HERC3: variants seen among roughly 807,000 people sequenced by gnomAD.
The protein encoded by HERC3 is HECT and RLD domain containing E3 ubiquitin protein ligase 3.
HERC3 carries 58 observed loss-of-function variants against 129.9 expected under a neutral mutation model. That is an observed-to-expected ratio of 0.45 (90% CI 0.36 to 0.56). HERC3 has a LOEUF of 0.56. Among genes scored for constraint, HERC3 ranks in the 20% least tolerant of loss-of-function variants. The probability of loss-of-function intolerance (pLI) is 0.00; values close to 1 mark genes in which losing one functional copy is unlikely to be tolerated. For missense variants in HERC3, 835 were observed against 1,244.2 expected (o/e 0.67, Z 4.95); for synonymous variants, 430 against 451.0 (o/e 0.95, Z 0.59).
At chr4:88,539,325 A>G in the HERC3 span, among the ~76,000 whole-genome samples, 10 of 152,212 alleles carry the variant, frequency 6.6e-5, no homozygotes, top group Non-Finnish European at 1.2e-4. Context: ...CTGCTAGCAC[A>G]GCAGTCTGAA....
the HERC3 span, among the ~76,000 whole-genome samples, chr4:88,539,149 G>A: frequency 1.3e-5 from 2 of 152,142 alleles, no homozygotes; most frequent in African/African-American, 2.4e-5. Context: ...AGGTGTCAGG[G>A]GATTTCCCTT....
rs6818640 is a variant in HERC3 at position 88,672,892 on chromosome 4, A to G, written c.1911+2640A>G. On this transcript the variant is annotated intron_variant, in intron 16 of 25. Transcript: ENST00000402738. ...CATCTGCCTGCTAGTCACAGTGGAA[A>G]CATGTATGGATATGGTGTCTACCTT... is the stretch of plus-strand genomic sequence containing the variant. 7.0e-3 allele frequency among the ~76,000 whole-genome samples: 1,062 copies of G among 152,328 alleles called. 21 individuals are homozygous for G. Among genetic ancestry groups the G allele is most frequent in the African/African-American group, 0.024 (1,000 of 41,578 alleles).
chr4:88,698,020 C>A (rs1463462242), intron 23 of HERC3, among the ~76,000 whole-genome samples: 3 of 152,140 alleles, frequency 2.0e-5, no homozygotes, highest in Non-Finnish European at 4.4e-5. Flanking sequence ...TGGACAGACA[C>A]CCTGTTCCCA....
intron 16 of HERC3, 118 bp downstream of exon 16, chr4:88,670,370 G>T (rs78278228): frequency 0.011 from 7,367 of 679,496 alleles, 63 homozygotes; most frequent in Non-Finnish European, 0.015. Context: ...TCATCCAGCT[G>T]GCCTTTTGCA....
At chr4:88,705,399 A>G (rs1735693493) in intron 25 of HERC3, among the ~76,000 whole-genome samples, 1 of 152,204 alleles carries the variant, frequency 6.6e-6, no homozygotes, top group African/African-American at 2.4e-5. Context: ...CACAGTTGTG[A>G]AACTAACACA....
chr4:88,655,902 T>C lies in HERC3; in HGVS notation c.936T>C (p.Ser312=). ...GRQHTLAFVP[S]SGLIYAFGCG... The stretch of plus-strand genomic sequence containing the variant: ...AACATACCCTAGCCTTCGTGCCTTC[T>C]TCTGGACTCATCTATGCATTTGGTT... The change falls in exon 9 of 26, where the codon TCT becomes TCC. Residue 312 remains serine (S), a synonymous_variant. Transcript: ENST00000402738. 1 of 1,614,020 alleles carries C rather than the reference T, an allele frequency of 6.2e-7. No individual in the cohort carries two copies. Among genetic ancestry groups the C allele is most frequent in the Non-Finnish European group, 8.5e-7 (1 of 1,179,898 alleles).
chr4:88,690,653 A>G (rs1578327855), intron 23 of HERC3: 1 of 979,220 alleles, frequency 1.0e-6, no homozygotes, highest in South Asian at 4.7e-5. Flanking sequence ...GTAGTCTGCA[A>G]TTGAGGCAGT....
chr4:88,580,362 T>G, the HERC3 span, among the ~76,000 whole-genome samples: 1 of 151,946 alleles, frequency 6.6e-6, no homozygotes, highest in Non-Finnish European at 1.5e-5. Flanking sequence ...CTGTTTCTAC[T>G]AAAAATACAA....
chr4:88,550,058 C>T, the HERC3 span, among the ~76,000 whole-genome samples: 19 of 152,142 alleles, frequency 1.2e-4, no homozygotes, highest in Admixed American at 7.9e-4. Flanking sequence ...GAAACTTAGG[C>T]GACATCTGGG....
At chr4:88,602,043 G>C (rs1447578844) in intron 2 of HERC3, among the ~76,000 whole-genome samples, 1 of 133,732 alleles carries the variant, frequency 7.5e-6, no homozygotes, top group Non-Finnish European at 1.6e-5. Flanking sequence ...GCGACAGAGC[G>C]AGACTCCGTC....
At chr4:88,552,527 A>G in the HERC3 span, among the ~76,000 whole-genome samples, 2 of 152,226 alleles carry the variant, frequency 1.3e-5, no homozygotes, top group Non-Finnish European at 2.9e-5. Flanking sequence ...TGCTGGGGTT[A>G]CAGGCATGGG....
chr4:88,550,943 A>C, the HERC3 span, among the ~76,000 whole-genome samples: 4 of 150,938 alleles, frequency 2.7e-5, no homozygotes, highest in Non-Finnish European at 4.4e-5. Flanking sequence ...AGAGATATAG[A>C]TCAATGGAAC....
At chr4:88,546,237 A>G in the HERC3 span, among the ~76,000 whole-genome samples, 8 of 152,140 alleles carry the variant, frequency 5.3e-5, no homozygotes, top group African/African-American at 1.9e-4. Context: ...GCACAGTCTA[A>G]CAGAAGTTGC....
chr4:88,622,467 GAC>G (rs1279772178), intron 3 of HERC3, among the ~76,000 whole-genome samples: 2 of 150,158 alleles, frequency 1.3e-5, no homozygotes, highest in African/African-American at 5.0e-5. Context: ...TTTTTGTGTG[GAC>G]ACATGTTTTC....
the HERC3 span, among the ~76,000 whole-genome samples, chr4:88,552,180 G>C: frequency 1.0e-4 from 15 of 149,024 alleles, no homozygotes; most frequent in South Asian, 3.2e-3. Context: ...ATATACCTAA[G>C]GCTAAATGAC....
intron 11 of HERC3, among the ~76,000 whole-genome samples, chr4:88,663,927 T>C (rs1730775467): frequency 6.6e-6 from 1 of 152,192 alleles, no homozygotes; most frequent in East Asian, 1.9e-4. Context: ...TTCAGGAGCT[T>C]TGATATTCTT....
At chr4:88,557,280 C>A in the HERC3 span, among the ~76,000 whole-genome samples, 1 of 152,190 alleles carries the variant, frequency 6.6e-6, no homozygotes, top group African/African-American at 2.4e-5. Context: ...ATGTTAAGAG[C>A]TATTTTTTCT....
chr4:88,556,785 C>A, the HERC3 span, among the ~76,000 whole-genome samples: 1 of 150,114 alleles, frequency 6.7e-6, no homozygotes, highest in African/African-American at 2.5e-5. Context: ...TTTCAAATTC[C>A]TCTCCATGGC....
the HERC3 span, among the ~76,000 whole-genome samples, chr4:88,565,972 CT>C: frequency 2.0e-5 from 3 of 151,330 alleles, no homozygotes; most frequent in Non-Finnish European, 4.4e-5. Flanking sequence ...TTGTTTCCAT[CT>C]TTTTTTTAAC....
Sources: allele counts gnomAD v4.1 joint callset (sites outside exome capture counted in the v4.1 genomes callset), GRCh38; gene constraint gnomAD v4.1.1; transcripts MANE v1.5; gene names NCBI Gene and HGNC (gene_info 2026-07-23, HGNC 2026-07-21).